PLEKHB1: variants seen among roughly 807,000 people sequenced by gnomAD.
The protein encoded by PLEKHB1 is pleckstrin homology domain-containing family B member 1.
Under a neutral mutation model 36.2 loss-of-function variants are expected in PLEKHB1, and 29 were observed. That is an observed-to-expected ratio of 0.80 (90% confidence interval 0.60 to 1.09). The LOEUF (loss-of-function observed/expected upper bound fraction) is 1.09, where lower values mean the gene tolerates loss of function less well. Ranked by LOEUF, PLEKHB1 falls within the 50% of genes least tolerant of loss-of-function variation. The pLI is 0.00. For missense variants in PLEKHB1, 330 were observed against 348.2 expected (o/e 0.95, Z 0.42); for synonymous variants, 138 against 140.0 (o/e 0.99, Z 0.10).
At position 73,661,822 on chromosome 11, in the gene PLEKHB1, A is replaced by C. The variant is rs1945131138; in HGVS notation, c.*220A>C. 3.7e-6 allele frequency: 2 copies of C among 535,416 alleles called. No homozygotes were observed. The highest frequency in any genetic ancestry group is 6.6e-5 in the East Asian group (2 of 30,080). The allele number at this position is 535,416 out of a possible 1,614,324, so 33.2% of individuals were successfully genotyped here. ...AACATCGCTTGAAGTCTTCACATCT[A>C]CCACTAGACACCCCCAAAATCTGTT... On this transcript the variant is annotated 3_prime_UTR_variant, in exon 8 of 8. Coordinates refer to ENST00000354190, the MANE Select transcript of PLEKHB1 (RefSeq NM_021200.3). This position sits in a 1 kb window ranked among gnomAD's most constrained non-coding sequence, Gnocchi z 4.6.
Position 73,661,924 on chromosome 11 carries a change from C to T in PLEKHB1, c.*322C>T, listed in dbSNP as rs1945133472. ...CGACTTCATTTGGCTTCGAGTTCCC[C>T]AGGCGCTGTAGACACAACATGAATC... On this transcript the variant is annotated 3_prime_UTR_variant, in exon 8 of 8. Transcript: ENST00000354190. The surrounding 1 kb of genome is among the most constrained non-coding windows in gnomAD (Gnocchi z 4.6). 3.4e-6 allele frequency: 1 copy of T among 291,556 alleles called. No homozygotes were observed. Among genetic ancestry groups the T allele is most frequent in the African/African-American group, 2.2e-5 (1 of 45,662 alleles). 18.1% of individuals were successfully genotyped at this position (291,556 alleles called of 1,614,324 possible).
intron 3 of PLEKHB1, among the ~76,000 whole-genome samples, chr11:73,651,152 C>G (rs923281937): frequency 4.6e-5 from 7 of 151,708 alleles, no homozygotes; most frequent in African/African-American, 1.7e-4. Context: ...GAGTTCAAGA[C>G]CAGCCTGGGC....
In PLEKHB1 at chr11:73,650,689, C is replaced by A; in HGVS notation, c.231C>A (p.Ile77=). Residue 77 remains isoleucine (I), a synonymous_variant, in exon 3 of 8, where the codon ATC becomes ATA. Transcript: ENST00000354190. ...LIHFNVRDIK[I]GPECHDVQPP... The stretch of plus-strand genomic sequence containing the variant: ...ACTTCAATGTCCGTGACATAAAGAT[C>A]GGCCCAGAGTGCCATGGTGAGCAGA... The A allele has an allele frequency of 6.2e-7, 1 of 1,606,716 alleles. No individual in the cohort carries two copies. The highest frequency in any genetic ancestry group is 8.5e-7 in the Non-Finnish European group (1 of 1,176,484).
rs562951141 is a variant in PLEKHB1, at chr11:73,661,130, G to A, written c.595+278G>A. 3.7e-4 allele frequency among the ~76,000 whole-genome samples: 57 copies of A among 152,218 alleles called. No individual in the cohort carries two copies. Among genetic ancestry groups the A allele is most frequent in the Admixed American group, 1.1e-3 (17 of 15,286 alleles). On this transcript the variant is annotated intron_variant, in intron 7 of 7. Transcript: ENST00000354190. The surrounding 1 kb of genome is among the most constrained non-coding windows in gnomAD (Gnocchi z 4.6). The stretch of plus-strand genomic sequence containing the variant: ...GGTAGCGGCCCCTGGTGGCTACTGC[G>A]GGAATGCTGCCTCCTCCCCGCTCTG...
chr11:73,653,396 G>A (rs185185409), intron 5 of PLEKHB1: 15 of 497,824 alleles, frequency 3.0e-5, no homozygotes, highest in East Asian at 1.7e-4. Context: ...TCATTCATCC[G>A]CACAACAAAT....
chr11:73,648,942 C>T (rs776021852), intron 1 of PLEKHB1, 70 bp from the exon 2 acceptor site: 88 of 1,535,276 alleles, frequency 5.7e-5, no homozygotes, highest in Middle Eastern at 1.7e-4. Flanking sequence ...TCCCCAGGGA[C>T]GGCAGGGCTG....
At position 73,661,746 on chromosome 11, in the gene PLEKHB1, C is replaced by A. The variant is rs758022439; in HGVS notation, c.*144C>A. On this transcript the variant is annotated 3_prime_UTR_variant, in exon 8 of 8. Coordinates refer to ENST00000354190, the MANE Select transcript of PLEKHB1 (RefSeq NM_021200.3). This position sits in a 1 kb window ranked among gnomAD's most constrained non-coding sequence, Gnocchi z 4.6. ...CCTTCCGGGTTTGGACCATTCCCCC[C>A]ACTCCCTACCCTTAATCCCCACATG... 1.1e-5 allele frequency: 11 copies of A among 1,003,766 alleles called. No individual in the cohort carries two copies. The highest frequency in any genetic ancestry group is 8.2e-5 in the Admixed American group (3 of 36,526). 62.2% of individuals were successfully genotyped at this position (1,003,766 alleles called of 1,614,324 possible).
At chr11:73,658,864 G>A (rs1568895) in intron 6 of PLEKHB1, among the ~76,000 whole-genome samples, 120,407 of 152,138 alleles carry the variant, frequency 0.79, 48,294 homozygotes, top group Non-Finnish European at 0.85. Context: ...CAATCCTCCC[G>A]CCTCAGCCTC....
At position 73,660,767 on chromosome 11, in the gene PLEKHB1, C is replaced by T. The variant is rs772674812; in HGVS notation, c.510C>T (p.Ser170=). 6.3e-7 allele frequency: 1 copy of T among 1,596,790 alleles called. No homozygotes were observed. ...GGATTCCCCAGGTGCGCGTCTACAG[C>T]CCGTACCAAGACTACTACGAGGTGG... is the stretch of plus-strand genomic sequence containing the variant. ...VERRIWVRVY[S]PYQDYYEVVP... is the part of the protein sequence containing the mutation. Residue 170 remains serine (S), a synonymous_variant, in exon 7 of 8, where the codon AGC becomes AGT. Coordinates refer to ENST00000354190, the MANE Select transcript of PLEKHB1 (RefSeq NM_021200.3).
intron 5 of PLEKHB1, among the ~76,000 whole-genome samples, chr11:73,654,667 G>A (rs1199116649): frequency 6.6e-6 from 1 of 152,234 alleles, no homozygotes; most frequent in African/African-American, 2.4e-5. Context: ...AGCTGCATGA[G>A]CAGAGACAGA....
In PLEKHB1 at chr11:73,649,053, G is replaced by A. The variant is rs1406617482; in HGVS notation, c.60G>A (p.Met20Ile). 2 of 1,602,228 alleles carry A rather than the reference G, an allele frequency of 1.2e-6. No individual in the cohort carries two copies. The highest frequency in any genetic ancestry group is 1.1e-5 in the South Asian group (1 of 88,460). Reference protein sequence around the residue: ...DSALESPFEEMALVRGGWLWR... With the variant: ...DSALESPFEEIALVRGGWLWR... ...CTCTGGAAAGTCCTTTTGAAGAAATGGCCCTGGTGAGGGGCGGCTGGCTGT... is the reference window on the plus strand; with the variant it reads ...CTCTGGAAAGTCCTTTTGAAGAAATAGCCCTGGTGAGGGGCGGCTGGCTGT... Residue 20 changes from methionine (M) to isoleucine (I), a missense_variant, in exon 2 of 8, where the codon ATG (methionine) becomes ATA (isoleucine). Physicochemically the swap from Met to Ile is conservative, Grantham distance 10. Transcript: ENST00000354190.
intron 1 of PLEKHB1, 43 bp from the exon 2 acceptor site, chr11:73,648,969 G>C: frequency 1.3e-6 from 2 of 1,560,160 alleles, no homozygotes; most frequent in Non-Finnish European, 1.7e-6. Flanking sequence ...TCTCTCCAGG[G>C]AGCTGCTGCT....
chr11:73,655,485 T>C (rs1944974370), intron 5 of PLEKHB1, among the ~76,000 whole-genome samples: 4 of 152,058 alleles, frequency 2.6e-5, no homozygotes, highest in Admixed American at 2.6e-4. Context: ...GCGGACCAGG[T>C]GGGCTAGAGG....
rs148059983 is a variant in PLEKHB1 at position 73,653,087 on chromosome 11, G to T, written c.390+73G>T. 758 of 1,453,098 alleles carry T rather than the reference G, an allele frequency of 5.2e-4. 4 individuals carry two copies. The African/African-American group carries it at 9.0e-3, about 17-fold the overall frequency. 90.0% of individuals were successfully genotyped at this position (1,453,098 alleles called of 1,614,324 possible). On this transcript the variant is annotated intron_variant, in intron 5 of 7. Coordinates refer to ENST00000354190, the MANE Select transcript of PLEKHB1 (RefSeq NM_021200.3). ...TGGAATCATGAGTGACTCAGACTCGGTCTCCACCTGCCAGAAGTTCTCAGT... is the reference window on the plus strand; with the variant it reads ...TGGAATCATGAGTGACTCAGACTCGTTCTCCACCTGCCAGAAGTTCTCAGT...
intron 4 of PLEKHB1, chr11:73,652,657 G>A: frequency 3.3e-6 from 1 of 299,044 alleles, no homozygotes; most frequent in East Asian, 5.7e-5. Context: ...GGGGGACTGG[G>A]CTACAACACC....
chr11:73,658,268 G>A (rs1478251638), intron 6 of PLEKHB1, among the ~76,000 whole-genome samples: 1 of 152,224 alleles, frequency 6.6e-6, no homozygotes, highest in Non-Finnish European at 1.5e-5. Flanking sequence ...AAGGAAAATG[G>A]CATGGAGATT....
chr11:73,650,753 C>T (rs376185930), intron 3 of PLEKHB1, 48 bp downstream of exon 3: 41 of 1,509,494 alleles, frequency 2.7e-5, no homozygotes, highest in Admixed American at 4.6e-5. Flanking sequence ...TGGGCAGAGC[C>T]TCCCGCTGTC....
intron 6 of PLEKHB1, chr11:73,660,486 T>G (rs1183209772): frequency 1.4e-5 from 7 of 496,988 alleles, no homozygotes; most frequent in Middle Eastern, 5.4e-4. Flanking sequence ...TTGGGAGCCA[T>G]AGAGAATTTT....
intron 6 of PLEKHB1, among the ~76,000 whole-genome samples, chr11:73,658,171 CCCAA>C (rs1945030752): frequency 6.6e-6 from 1 of 152,072 alleles, no homozygotes; most frequent in African/African-American, 2.4e-5. Flanking sequence ...CAGATGGGAC[CCCAA>C]CAGAACCTGA....
Sources: gnomAD v4.1 joint callset for allele counts (sites outside exome capture counted in the v4.1 genomes callset) on GRCh38, gnomAD v4.1.1 for gene constraint, Gnocchi (gnomAD v3.1) non-coding constraint, MANE v1.5 for transcripts, NCBI Gene and HGNC (gene_info 2026-07-23, HGNC 2026-07-21) for gene names.